FAM81A: variants seen among roughly 807,000 people sequenced by gnomAD.
FAM81A encodes the protein family with sequence similarity 81 member A.
FAM81A carries 19 observed loss-of-function variants against 46.7 expected under a neutral mutation model. The observed-to-expected ratio is 0.41, with a 90% confidence interval of 0.28 to 0.60. FAM81A has a LOEUF of 0.60. Ranked by LOEUF, FAM81A falls within the 20% of genes least tolerant of loss-of-function variation. The pLI, the probability that FAM81A is intolerant of heterozygous loss-of-function variation, is 0.34. For missense variants in FAM81A, 377 were observed against 453.5 expected, an observed-to-expected ratio of 0.83 and a Z score of 1.53; for synonymous variants, 183 against 152.9, an observed-to-expected ratio of 1.20 and a Z score of -1.45.
intron 3 of FAM81A, among the ~76,000 whole-genome samples, chr15:59,486,513 T>C (rs908195902): frequency 6.6e-6 from 1 of 151,720 alleles, no homozygotes; most frequent in Admixed American, 6.6e-5. Context: ...ACAAAAGATA[T>C]CAAAATTCAA....
intron 1 of FAM81A, among the ~76,000 whole-genome samples, chr15:59,439,762 G>T (rs1298017500): frequency 6.6e-6 from 1 of 152,102 alleles, no homozygotes; most frequent in Non-Finnish European, 1.5e-5. Context: ...AATACTTAGT[G>T]TCCAGGAATT....
intron 1 of FAM81A, among the ~76,000 whole-genome samples, chr15:59,439,433 TATA>T (rs2081273653): frequency 6.6e-6 from 1 of 152,172 alleles, no homozygotes; most frequent in East Asian, 1.9e-4. Context: ...CCTTGGCACT[TATA>T]ATATTTTTAG....
intron 2 of FAM81A, among the ~76,000 whole-genome samples, chr15:59,419,518 T>C (rs1205549007): frequency 6.6e-6 from 1 of 152,198 alleles, no homozygotes; most frequent in African/African-American, 2.4e-5. Flanking sequence ...AACCACATTA[T>C]TTAGTACTTC....
chr15:59,521,103 A>C lies in FAM81A; in HGVS notation c.983-151A>C, dbSNP rs1268086416. 2.9e-5 allele frequency: 24 copies of C among 816,470 alleles called. 1 individual carries two copies. The highest frequency in any genetic ancestry group is 3.8e-5 in the Non-Finnish European group (21 of 558,718). 50.6% of individuals were successfully genotyped at this position (816,470 alleles called of 1,614,324 possible). A position where few individuals can be genotyped will look rare whatever the true frequency, so the allele number is the denominator to read the frequency against. On this transcript the variant is annotated intron_variant, in intron 8 of 8. Coordinates refer to ENST00000288228, the MANE Select transcript of FAM81A (RefSeq NM_152450.3). ...AAGTAATCTCTAGGGAGAAACTAGA[A>C]ACTCACCTGTTCCCCATCATACTTT...
chr15:59,478,517 A>T (rs1238668377), intron 3 of FAM81A, among the ~76,000 whole-genome samples: 1 of 152,196 alleles, frequency 6.6e-6, no homozygotes, highest in Non-Finnish European at 1.5e-5. Context: ...AGTACTGCCA[A>T]TGAGGAAAGA....
intron 8 of FAM81A, among the ~76,000 whole-genome samples, chr15:59,518,438 C>T (rs920712115): frequency 1.3e-4 from 19 of 151,920 alleles, no homozygotes; most frequent in African/African-American, 4.6e-4. Context: ...CTGCCTCGAC[C>T]TCCTGAGCAG....
chr15:59,477,397 T>G (rs1351671334), intron 3 of FAM81A, among the ~76,000 whole-genome samples: 1 of 152,232 alleles, frequency 6.6e-6, no homozygotes, highest in South Asian at 2.1e-4. Flanking sequence ...CTGCAGGTGA[T>G]TTTATATTAC....
chr15:59,463,081 T>C (rs564417059), intron 3 of FAM81A, among the ~76,000 whole-genome samples: 40 of 152,346 alleles, frequency 2.6e-4, no homozygotes, highest in African/African-American at 9.4e-4. Flanking sequence ...TCTTTACAAC[T>C]ATTTGCTTAT....
intron 7 of FAM81A, among the ~76,000 whole-genome samples, chr15:59,515,186 A>G (rs1231399928): frequency 6.6e-6 from 1 of 152,162 alleles, no homozygotes; most frequent in African/African-American, 2.4e-5. Context: ...TCAAAACTGC[A>G]GTGAGGTATG....
At chr15:59,471,108 C>T (rs1342199191) in intron 3 of FAM81A, among the ~76,000 whole-genome samples, 1 of 152,216 alleles carries the variant, frequency 6.6e-6, no homozygotes, top group Non-Finnish European at 1.5e-5. Flanking sequence ...AGTCACCACA[C>T]TTGGCTGAGA....
chr15:59,446,761 G>A (rs372729390), intron 1 of FAM81A: 2 of 152,196 alleles, frequency 1.3e-5, no homozygotes, highest in African/African-American at 4.8e-5. Flanking sequence ...TGTACAACAT[G>A]CTGATTCCCT....
At chr15:59,515,393 G>T (rs1300221896) in intron 7 of FAM81A, among the ~76,000 whole-genome samples, 1 of 152,026 alleles carries the variant, frequency 6.6e-6, no homozygotes, top group African/African-American at 2.4e-5. Context: ...CCTCTTGTTG[G>T]ATATTGATGA....
chr15:59,427,840 T>G (rs754057978), intron 2 of FAM81A, among the ~76,000 whole-genome samples: 1 of 152,262 alleles, frequency 6.6e-6, no homozygotes, highest in Non-Finnish European at 1.5e-5. Flanking sequence ...AAATTTTTGT[T>G]ATTGTGAATA....
exon 2 of FAM81A, chr15:59,402,314 G>A (rs1221721855): frequency 1.9e-5 from 3 of 157,222 alleles, no homozygotes; most frequent in Non-Finnish European, 2.8e-5. Flanking sequence ...GCAAGGATCT[G>A]AAGGTCCAGG....
chr15:59,416,709 C>T (rs764608604), intron 2 of FAM81A, among the ~76,000 whole-genome samples: 6 of 152,116 alleles, frequency 3.9e-5, no homozygotes, highest in Non-Finnish European at 8.8e-5. Flanking sequence ...TATCATGTGC[C>T]GGGCACTGTG....
intron 1 of FAM81A, chr15:59,401,385 G>A (rs753232844): frequency 1.3e-6 from 1 of 788,604 alleles, no homozygotes; most frequent in African/African-American, 1.7e-5. Flanking sequence ...GTATACAGTG[G>A]GGACGACGGG....
At chr15:59,421,036 A>C in intron 2 of FAM81A, among the ~76,000 whole-genome samples, 1 of 151,124 alleles carries the variant, frequency 6.6e-6, no homozygotes, top group African/African-American at 2.5e-5. Context: ...CTCTTGAAGA[A>C]CGTGCTCTAC....
chr15:59,497,918 C>T (rs958927668), intron 4 of FAM81A, among the ~76,000 whole-genome samples: 2 of 152,212 alleles, frequency 1.3e-5, no homozygotes, highest in East Asian at 1.9e-4. Context: ...AGTGCAGTGG[C>T]ATGATCACAA....
upstream of FAM81A, among the ~76,000 whole-genome samples, chr15:59,434,250 G>T (rs538723102): frequency 5.3e-5 from 8 of 152,312 alleles, no homozygotes; most frequent in South Asian, 6.2e-4. Flanking sequence ...GATGCATTGT[G>T]CTCTCCTTGT....
Sources: allele counts gnomAD v4.1 joint callset (sites outside exome capture counted in the v4.1 genomes callset), GRCh38; gene constraint gnomAD v4.1.1; transcripts MANE v1.5; gene names NCBI Gene and HGNC (gene_info 2026-07-23, HGNC 2026-07-21).